PLEC: variants seen among roughly 807,000 people sequenced by gnomAD.
PLEC encodes plectin, also known as hemidesmosomal protein 1.
Under a neutral mutation model 392.8 loss-of-function variants are expected in PLEC, and 216 were observed. The ratio of observed to expected loss-of-function variants is 0.55; its 90% CI spans 0.49 to 0.62. The LOEUF is 0.62. Among genes scored for constraint, PLEC ranks in the 20% least tolerant of loss-of-function variants. The pLI is 0.00. For synonymous variants in PLEC, 3,621 were observed against 2,980.6 expected, an observed-to-expected ratio of 1.21 and a Z score of -7.00; for missense variants, 6,863 against 6,563.4, an observed-to-expected ratio of 1.05 and a Z score of -1.58.
In PLEC at chr8:143,925,013, T is replaced by C. The variant is rs781995370; in HGVS notation, c.4916A>G (p.Asn1639Ser). The C allele has an allele frequency of 2.0e-5, 31 of 1,573,334 alleles. No individual in the cohort carries two copies. Among genetic ancestry groups the C allele is most frequent in the African/African-American group, 4.0e-5 (3 of 74,248 alleles). Residue 1639 changes from asparagine (N) to serine (S), a missense_variant, in exon 31 of 32, where the codon AAC becomes AGC. Physicochemically the swap from Asn to Ser is conservative, Grantham distance 46 (BLOSUM62 1). Transcript: ENST00000345136. ...RELERWQLKA[N>S]EALRLRLQAE... Reference sequence around the variant, plus strand: ...CTGCAGCCGCAGCCGTAGCGCCTCGTTGGCCTTGAGCTGCCAGCGCTCCAG... The same window carrying C: ...CTGCAGCCGCAGCCGTAGCGCCTCGCTGGCCTTGAGCTGCCAGCGCTCCAG...
chr8:143,938,837 A>C (rs989667415), intron 1 of PLEC, 145 bp from the exon 2 acceptor site: 71 of 742,328 alleles, frequency 9.6e-5, no homozygotes, highest in Non-Finnish European at 1.6e-4. Flanking sequence ...ACTGAGACCC[A>C]GGCGCCCTCA....
In PLEC at chr8:143,925,134, C is replaced by T. The variant is rs782412083; in HGVS notation, c.4795G>A (p.Glu1599Lys). 133 of 1,558,926 alleles carry T rather than the reference C, an allele frequency of 8.5e-5. No homozygotes were observed. The African/African-American group carries it at 1.2e-3, about 14-fold the overall frequency. ...TAQLERSLQE[E>K]HVAVAQLREE... Reference sequence around the variant, plus strand: ...CGCAGCTGTGCCACAGCCACGTGTTCCTCCTGCAGGGAGCGCTCCAGCTGT... The same window carrying T: ...CGCAGCTGTGCCACAGCCACGTGTTTCTCCTGCAGGGAGCGCTCCAGCTGT... The change falls in exon 31 of 32, where the codon GAA (glutamate) becomes AAA (lysine). Residue 1599 changes from glutamate (E) to lysine (K), a missense_variant. Physicochemically the swap from Glu to Lys is moderately conservative, Grantham distance 56. Transcript: ENST00000345136.
intron 1 of PLEC, chr8:143,945,333 C>G: frequency 2.6e-6 from 1 of 379,352 alleles, no homozygotes; most frequent in Non-Finnish European, 5.4e-6. Flanking sequence ...CGGCAGGAGA[C>G]TGGCCTGGCT....
rs1554704501 is a variant in PLEC, at chr8:143,925,889, G to A, written c.4045-5C>T. 6 of 1,540,318 alleles carry A rather than the reference G, an allele frequency of 3.9e-6. No individual in the cohort carries two copies. Among genetic ancestry groups the A allele is most frequent in the East Asian group, 2.4e-5 (1 of 41,684 alleles). Reference sequence around the variant, plus strand: ...CCGCTGCTGCTCAGCCAGCCTCTGTGGCCACAGCAGAGAGAAGAAGAGAAG... The same window carrying A: ...CCGCTGCTGCTCAGCCAGCCTCTGTAGCCACAGCAGAGAGAAGAAGAGAAG... On this transcript the variant is annotated splice_region_variant and splice_polypyrimidine_tract_variant and intron_variant, in intron 30 of 31. Coordinates refer to ENST00000345136, the MANE Select transcript of PLEC (RefSeq NM_201384.3).
rs1833522932 is a variant in PLEC, at chr8:143,973,242, T to C, written c.70+161A>G. On this transcript the variant is annotated intron_variant, in intron 1 of 31. Coordinates refer to the PLEC transcript ENST00000356346. This position sits in a 1 kb window ranked among gnomAD's most constrained non-coding sequence, Gnocchi z 5.6. ...GGGCTCAGCGGAGCGAGTCCTCCCC[T>C]TCCCTAGGCACTGGCAGCCGTTGGG... Among the ~76,000 whole-genome samples, 1 of 141,006 alleles carries C rather than the reference T, an allele frequency of 7.1e-6. No individual in the cohort carries two copies. The highest frequency in any genetic ancestry group is 2.4e-4 in the East Asian group (1 of 4,102). The allele number at this position is 141,006 out of a possible 152,430, so 92.5% of individuals were successfully genotyped here. A position where few individuals can be genotyped will look rare whatever the true frequency, so the allele number is the denominator to read the frequency against.
upstream of PLEC, among the ~76,000 whole-genome samples, chr8:143,944,424 G>A (rs919797177): frequency 6.6e-6 from 1 of 152,216 alleles, no homozygotes; most frequent in South Asian, 2.1e-4. Context: ...GCCTGCAGCT[G>A]AACCCACTGC....
At chr8:143,926,408 T>C (rs1825199076) in intron 30 of PLEC, among the ~76,000 whole-genome samples, 1 of 152,144 alleles carries the variant, frequency 6.6e-6, no homozygotes, top group Admixed American at 6.5e-5. Context: ...ATGGGTGCCT[T>C]GGAAGACCCT....
chr8:143,924,993 G>C lies in PLEC; in HGVS notation c.4936C>G (p.Leu1646Val). Reference sequence around the variant, plus strand: ...TGCTGCGCCACCTCCTCCGCCTGCAGCCGCAGCCGTAGCGCCTCGTTGGCC... The same window carrying C: ...TGCTGCGCCACCTCCTCCGCCTGCACCCGCAGCCGTAGCGCCTCGTTGGCC... ...LKANEALRLR[L>V]QAEEVAQQKS... The change falls in exon 31 of 32, where the codon CTG (leucine) becomes GTG (valine). Residue 1646 changes from leucine (L) to valine (V), a missense_variant. Physicochemically the swap from Leu to Val is conservative, Grantham distance 32. Transcript: ENST00000345136. 6.3e-7 allele frequency: 1 copy of C among 1,577,436 alleles called. No individual in the cohort carries two copies. The highest frequency in any genetic ancestry group is 1.1e-5 in the South Asian group (1 of 88,278).
Position 143,935,836 on chromosome 8 carries a change from G to C in PLEC, c.602+12C>G. ...CCCCAGCCCACAGCCCCCTGCCCCCGGGGCCATGTACTTGTGCCGGTGGAT... is the reference window on the plus strand; with the variant it reads ...CCCCAGCCCACAGCCCCCTGCCCCCCGGGCCATGTACTTGTGCCGGTGGAT... On this transcript the variant is annotated intron_variant, in intron 6 of 31. Transcript: ENST00000345136. The C allele has an allele frequency of 6.2e-7, 1 of 1,612,372 alleles. No individual in the cohort carries two copies.
chr8:143,950,620 C>T (rs1554735779), exon 1 of PLEC: 2 of 1,603,030 alleles, frequency 1.2e-6, no homozygotes, highest in Non-Finnish European at 8.5e-7. Flanking sequence ...GCCGCCGGTC[C>T]TTCTTGGCCA....
intron 1 of PLEC, among the ~76,000 whole-genome samples, chr8:143,948,320 TGCAGTGGGGAAGG>T (rs1554733310): frequency 6.6e-6 from 1 of 152,232 alleles, no homozygotes; most frequent in Non-Finnish European, 1.5e-5. Context: ...GGAGCGGCTG[TGCAGTGGGGAAGG>T]GCAGGGCAGC....
Position 143,938,134 on chromosome 8 carries a change from G to A in PLEC, c.264+17C>T, listed in dbSNP as rs1554724998. On this transcript the variant is annotated intron_variant, in intron 3 of 31. Transcript: ENST00000345136. ...GGTGGGGCAGGCGGGGCCCGGAGGG[G>A]GCAGGGGCACACGTACCAGGCTGTC... The A allele has an allele frequency of 1.3e-6, 2 of 1,590,188 alleles. No individual in the cohort carries two copies. The highest frequency in any genetic ancestry group is 2.2e-5 in the South Asian group (2 of 89,632).
chr8:143,950,764 G>A (rs1832063623), exon 1 of PLEC: 2 of 1,535,358 alleles, frequency 1.3e-6, no homozygotes, highest in African/African-American at 1.4e-5. Flanking sequence ...GGTACCACGA[G>A]AAGGCCCGGG....
upstream of PLEC, chr8:143,942,487 G>A (rs782305397): frequency 4.4e-6 from 7 of 1,591,694 alleles, no homozygotes; most frequent in East Asian, 1.4e-4. Context: ...CTCCCTCGGC[G>A]AGGCAAAGGC....
chr8:143,961,750 A>G (rs1311115243), intron 1 of PLEC, among the ~76,000 whole-genome samples: 1 of 152,274 alleles, frequency 6.6e-6, no homozygotes, highest in East Asian at 1.9e-4. Flanking sequence ...GAAGTTACTT[A>G]TGTCTAAAAT....
rs1554692417 is a variant in PLEC, at chr8:143,923,450, T to G, written c.6479A>C (p.Lys2160Thr). Reference protein sequence around the residue: ...AQAEQAALRQKQAADAEMEKH... With the variant: ...AQAEQAALRQTQAADAEMEKH... The stretch of plus-strand genomic sequence containing the variant: ...CTCCATCTCCGCGTCAGCTGCCTGC[T>G]TCTGCCGCAGGGCCGCCTGCTCCGC... Residue 2160 changes from lysine (K) to threonine (T), a missense_variant, in exon 31 of 32, where the codon AAG becomes ACG. Lys to Thr is a moderately conservative substitution (Grantham distance 78, BLOSUM62 -1). Transcript: ENST00000345136. 1 of 1,608,690 alleles carries G rather than the reference T, an allele frequency of 6.2e-7. No individual in the cohort carries two copies.
Position 143,926,888 on chromosome 8 carries a change from G to C in PLEC, c.3946-6C>G, listed in dbSNP as rs782429593. On this transcript the variant is annotated splice_region_variant and splice_polypyrimidine_tract_variant and intron_variant, in intron 29 of 31. Coordinates refer to ENST00000345136, the MANE Select transcript of PLEC (RefSeq NM_201384.3). ...TGCGTACGCAGGTCCACGTACTGTG[G>C]AGTAGAGCCAGGGTTAGCCCTGCGA... 5.0e-6 allele frequency: 8 copies of C among 1,611,914 alleles called. No homozygotes were observed. In the African/African-American group the frequency reaches 1.1e-4, roughly 22 times the overall value.
intron 2 of PLEC, 48 bp downstream of exon 2, chr8:143,938,583 C>T: frequency 6.3e-7 from 1 of 1,597,746 alleles, no homozygotes; most frequent in Non-Finnish European, 8.6e-7. Flanking sequence ...CCCTCAGCGC[C>T]TCCCACAGCC....
intron 1 of PLEC, among the ~76,000 whole-genome samples, chr8:143,949,316 G>A (rs1466982340): frequency 2.0e-5 from 3 of 152,248 alleles, no homozygotes; most frequent in Non-Finnish European, 4.4e-5. Context: ...GCCAGGTGCT[G>A]GGGGACCGGG....
Sources: gnomAD v4.1 joint callset for allele counts (sites outside exome capture counted in the v4.1 genomes callset) on GRCh38, gnomAD v4.1.1 for gene constraint, Gnocchi (gnomAD v3.1) non-coding constraint, MANE v1.5 for transcripts, NCBI Gene and HGNC (gene_info 2026-07-23, HGNC 2026-07-21) for gene names.